The following PRSS55 variants were observed in gnomAD, a reference collection of about 807,000 sequenced individuals.
PRSS55 encodes the protein serine protease 55, also known as probable serine protease UNQ9391/PRO34284.
Under a neutral mutation model 23.6 loss-of-function variants are expected in PRSS55, and 41 were observed. The ratio of observed to expected loss-of-function variants is 1.74; its 90% confidence interval spans 1.35 to 2.26. The LOEUF is 2.26. PRSS55 is among the 30% of genes most tolerant of loss of function. The pLI is 0.00. For missense variants in PRSS55, 669 were observed against 439.1 expected, an observed-to-expected ratio of 1.52 and a Z score of -4.68; for synonymous variants, 262 against 175.5, an observed-to-expected ratio of 1.49 and a Z score of -3.90.
chr8:10,529,456 T>A (rs748468752), intron 1 of PRSS55, 51 bp from the exon 2 acceptor site: 1 of 1,579,796 alleles, frequency 6.3e-7, no homozygotes, highest in South Asian at 1.1e-5. Context: ...TCACACTGGA[T>A]GCTGACTAAG....
Position 10,529,582 on chromosome 8 carries a change from G to A in PRSS55, c.230G>A (p.Gly77Asp), listed in dbSNP as rs1812170207. 1 of 1,614,206 alleles carries A rather than the reference G, an allele frequency of 6.2e-7. No individual in the cohort carries two copies. Among genetic ancestry groups the A allele is most frequent in the Non-Finnish European group, 8.5e-7 (1 of 1,180,028 alleles). Residue 77 changes from glycine (G) to aspartate (D), a missense_variant, in exon 2 of 5, where the codon GGT (glycine) becomes GAT (aspartate). Coordinates refer to ENST00000328655, the MANE Select transcript of PRSS55 (RefSeq NM_198464.4). ...ACAGGGGGGATGGAGGCGGAGGTGG[G>A]TGAGTTTCCGTGGCAGGTGAGTATT... ...RITGGMEAEV[G>D]EFPWQVSIQA...
chr8:10,549,670 C>T (rs1218983317), intron 4 of PRSS55, among the ~76,000 whole-genome samples: 1 of 152,224 alleles, frequency 6.6e-6, no homozygotes, highest in Non-Finnish European at 1.5e-5. Context: ...GCAGGGGCTT[C>T]CTGACGTCGG....
Position 10,538,773 on chromosome 8 carries a change from T to C in PRSS55, c.1039T>C (p.Phe347Leu). The C allele has an allele frequency of 6.3e-7, 1 of 1,587,364 alleles. No homozygotes were observed. The highest frequency in any genetic ancestry group is 8.6e-7 in the Non-Finnish European group (1 of 1,169,492). Residue 347 changes from phenylalanine (F) to leucine (L), a missense_variant, in exon 5 of 5, where the codon TTC (phenylalanine) becomes CTC (leucine). Physicochemically the swap from Phe to Leu is conservative, Grantham distance 22. Coordinates refer to ENST00000328655, the MANE Select transcript of PRSS55 (RefSeq NM_198464.4). ...GCTCTGTCCCCTGTCCCATGTGTTG[T>C]TCAGAGCTATTTTGTACTGATAATA... ...LLLCPLSHVL[F>L]RAILY
chr8:10,536,678 G>A lies in PRSS55; in HGVS notation c.742-1798G>A, dbSNP rs1039997146. On this transcript the variant is annotated intron_variant, in intron 4 of 4. Coordinates refer to ENST00000328655, the MANE Select transcript of PRSS55 (RefSeq NM_198464.4). ...ATACACGTACACTGTGGAATACTAC[G>A]AAGCCATAAAAAAAAACAAAATCAT... Among the ~76,000 whole-genome samples, 7 of 136,312 alleles carry A rather than the reference G, an allele frequency of 5.1e-5. No homozygotes were observed. In the East Asian group the frequency reaches 8.9e-4, roughly 17 times the overall value. The allele number at this position is 136,312 out of a possible 152,430, so 89.4% of individuals were successfully genotyped here.
chr8:10,533,148 T>G (rs1812332946), intron 4 of PRSS55, 100 bp downstream of exon 4: 2 of 1,307,090 alleles, frequency 1.5e-6, no homozygotes, highest in Non-Finnish European at 2.1e-6. Flanking sequence ...CAATTCTGAG[T>G]CTGGAAAATG....
chr8:10,551,922 G>A (rs2117088339), intron 4 of PRSS55, among the ~76,000 whole-genome samples: 1 of 152,282 alleles, frequency 6.6e-6, no homozygotes, highest in East Asian at 1.9e-4. Flanking sequence ...GCTTTCAAAT[G>A]TTCCTGCCCA....
chr8:10,529,461 A>C (rs367781191), intron 1 of PRSS55, 46 bp from the exon 2 acceptor site: 99 of 1,590,170 alleles, frequency 6.2e-5, no homozygotes, highest in Non-Finnish European at 8.1e-5. Flanking sequence ...CTGGATGCTG[A>C]CTAAGTGTTT....
intron 4 of PRSS55, among the ~76,000 whole-genome samples, chr8:10,548,353 G>T (rs1426743732): frequency 2.6e-5 from 4 of 152,154 alleles, no homozygotes; most frequent in African/African-American, 9.7e-5. Flanking sequence ...CAGCCCTGGA[G>T]GGGGAGGGAA....
At chr8:10,527,643 T>A (rs1329659308) in intron 1 of PRSS55, among the ~76,000 whole-genome samples, 1 of 152,214 alleles carries the variant, frequency 6.6e-6, no homozygotes, top group Non-Finnish European at 1.5e-5. Flanking sequence ...GAGAGCCACA[T>A]GGCGCAGTGG....
chr8:10,552,610 C>T (rs981468241), intron 4 of PRSS55, among the ~76,000 whole-genome samples: 3 of 152,136 alleles, frequency 2.0e-5, no homozygotes, highest in African/African-American at 7.2e-5. Context: ...TAAAAATGGG[C>T]AAAGGACCCG....
rs1563539416 is a variant in PRSS55 at position 10,533,054 on chromosome 8, TA to T, written c.741+7del. On this transcript the variant is annotated splice_region_variant and intron_variant, in intron 4 of 4. Coordinates refer to ENST00000328655, the MANE Select transcript of PRSS55 (RefSeq NM_198464.4). ...AGAGCTATGATGCCTGCAAGGTAACTAGGGGGTACCCTCCCTCACCTTATAG... is the reference window on the plus strand; with the variant it reads ...AGAGCTATGATGCCTGCAAGGTAACTGGGGGTACCCTCCCTCACCTTATAG... The T allele has an allele frequency of 1.2e-6, 2 of 1,614,150 alleles. No homozygotes were observed. Among genetic ancestry groups the T allele is most frequent in the South Asian group, 2.2e-5 (2 of 91,080 alleles).
intron 1 of PRSS55, among the ~76,000 whole-genome samples, chr8:10,528,863 G>A (rs1585865988): frequency 6.6e-6 from 1 of 152,306 alleles, no homozygotes; most frequent in East Asian, 1.9e-4. Flanking sequence ...CCAGCTTCTA[G>A]AAACTTCTCT....
chr8:10,545,792 C>G (rs1364258332), intron 4 of PRSS55, among the ~76,000 whole-genome samples: 2 of 152,240 alleles, frequency 1.3e-5, no homozygotes, highest in Admixed American at 1.3e-4. Context: ...CGTCCTAGCC[C>G]AGAATAGCTT....
chr8:10,535,269 A>G (rs2117039718), intron 4 of PRSS55, among the ~76,000 whole-genome samples: 1 of 152,360 alleles, frequency 6.6e-6, no homozygotes, highest in South Asian at 2.1e-4. Flanking sequence ...AGGCAATCCT[A>G]AGCAAAAAGA....
chr8:10,532,297 G>C (rs976420369), intron 3 of PRSS55, among the ~76,000 whole-genome samples: 2 of 152,132 alleles, frequency 1.3e-5, no homozygotes, highest in Non-Finnish European at 2.9e-5. Context: ...AGGCACATGG[G>C]CATGCACAAG....
intron 4 of PRSS55, chr8:10,553,811 G>A (rs1797031868): frequency 1.7e-6 from 1 of 589,746 alleles, no homozygotes; most frequent in Non-Finnish European, 2.9e-6. Flanking sequence ...AAAGCAATAT[G>A]TAAGGTGATG....
At chr8:10,545,167 T>A in intron 4 of PRSS55, 1 of 197,042 alleles carries the variant, frequency 5.1e-6, no homozygotes, top group African/African-American at 2.4e-5. Context: ...AAAAATGAAA[T>A]CGAAAATGAA....
At chr8:10,543,449 T>TTCCTTCCTTCCTTCCTTCCTTCCA (rs1563547321), downstream of PRSS55, among the ~76,000 whole-genome samples, 3 of 24,488 alleles carry the variant, frequency 1.2e-4, no homozygotes, top group African/African-American at 2.1e-4. Flanking sequence ...CCTTCCATCC[T>TTCCTTCCTTCCTTCCTTCCTTCCA]TCCTTCCTTC....
At chr8:10,528,318 C>T (rs568039054) in intron 1 of PRSS55, among the ~76,000 whole-genome samples, 2 of 152,186 alleles carry the variant, frequency 1.3e-5, no homozygotes, top group Middle Eastern at 3.4e-3. Context: ...AAAATGACCA[C>T]CACAGGGTCA....
Sources: allele counts gnomAD v4.1 joint callset (sites outside exome capture counted in the v4.1 genomes callset), GRCh38; gene constraint gnomAD v4.1.1; transcripts MANE v1.5; gene names NCBI Gene and HGNC (gene_info 2026-07-23, HGNC 2026-07-21).